Variants in SEL1L3 observed in about 807,000 individuals in gnomAD.
SEL1L3 encodes protein sel-1 homolog 3.
In SEL1L3, 76 loss-of-function variants were observed where a neutral mutation model predicts 142.8. That is an observed-to-expected ratio of 0.53 (90% CI 0.44 to 0.64). The LOEUF (loss-of-function observed/expected upper bound fraction) is 0.64. SEL1L3 is among the 30% of genes least tolerant of loss of function. SEL1L3 has a pLI of 0.00. For missense variants in SEL1L3, 1,262 were observed against 1,381.7 expected (o/e 0.91, Z 1.37); for synonymous variants, 504 against 519.6 (o/e 0.97, Z 0.41).
At chr4:25,853,557 A>G (rs7666901) in intron 1 of SEL1L3, among the ~76,000 whole-genome samples, 15,603 of 152,138 alleles carry the variant, frequency 0.1, 971 homozygotes, top group South Asian at 0.14. Context: ...AGGGCTGCAA[A>G]ATATCTCATT....
At chr4:25,752,752 C>T (rs1379915989) in intron 23 of SEL1L3, among the ~76,000 whole-genome samples, 1 of 152,176 alleles carries the variant, frequency 6.6e-6, no homozygotes, top group Non-Finnish European at 1.5e-5. Context: ...TCCCAAGCAG[C>T]TGGAATTACA....
At chr4:25,848,481 C>T (rs1186777440) in intron 1 of SEL1L3, among the ~76,000 whole-genome samples, 1 of 152,172 alleles carries the variant, frequency 6.6e-6, no homozygotes, top group Non-Finnish European at 1.5e-5. Context: ...GATTCTTTCA[C>T]CACAGACAAT....
At position 25,784,282 on chromosome 4, in the gene SEL1L3, T is replaced by C. The variant is rs751750638; in HGVS notation, c.2226A>G (p.Gly742=). The C allele has an allele frequency of 6.2e-6, 10 of 1,613,318 alleles. No homozygotes were observed. The highest frequency in any genetic ancestry group is 8.5e-6 in the Non-Finnish European group (10 of 1,179,440). ...AGGCAAGCCGTCTGTTCTTTTTTACTCCTTGACCCTAAACATTGATAAACA... is the reference window on the plus strand; with the variant it reads ...AGGCAAGCCGTCTGTTCTTTTTTACCCCTTGACCCTAAACATTGATAAACA... ...DYAIVLFKGQ[G]VKKNRRLALE... The change falls in exon 14 of 24, where the codon GGA becomes GGG. Residue 742 remains glycine (G), a synonymous_variant. Coordinates refer to ENST00000399878, the MANE Select transcript of SEL1L3 (RefSeq NM_015187.5).
chr4:25,767,069 A>G (rs1243550473), intron 19 of SEL1L3, among the ~76,000 whole-genome samples: 6 of 152,218 alleles, frequency 3.9e-5, no homozygotes, highest in Non-Finnish European at 8.8e-5. Context: ...AGGCAGGTGG[A>G]TCACCTGAGG....
chr4:25,793,351 T>G (rs1283314134), intron 11 of SEL1L3, among the ~76,000 whole-genome samples: 1 of 152,176 alleles, frequency 6.6e-6, no homozygotes, highest in Non-Finnish European at 1.5e-5. Context: ...GGCACGATCA[T>G]GGCTCACTGC....
intron 9 of SEL1L3, among the ~76,000 whole-genome samples, chr4:25,807,649 C>A (rs938197398): frequency 2.0e-5 from 3 of 152,064 alleles, no homozygotes; most frequent in Non-Finnish European, 4.4e-5. Context: ...CCAGAGTACC[C>A]GTGGACCCGA....
At chr4:25,821,019 C>T (rs974590833) in intron 7 of SEL1L3, among the ~76,000 whole-genome samples, 13 of 152,184 alleles carry the variant, frequency 8.5e-5, no homozygotes, top group African/African-American at 2.2e-4. Flanking sequence ...TGAGCCACCA[C>T]GCTTGGCTGA....
In SEL1L3 at chr4:25,847,713, CATAA is replaced by C. The variant is rs756158758; in HGVS notation, c.310_313del (p.Leu104AlafsTer41). The C allele has an allele frequency of 1.2e-6, 2 of 1,613,838 alleles. No homozygotes were observed. The highest frequency in any genetic ancestry group is 1.7e-5 in the Admixed American group (1 of 59,998). ...CAAATTGACAACACAAGGCTGAGAGCATAAATACTCAACCGAGACTTCAGAAACG... is the reference window on the plus strand; with the variant it reads ...CAAATTGACAACACAAGGCTGAGAGCATACTCAACCGAGACTTCAGAAACG... On this transcript the variant is annotated frameshift_variant, in exon 2 of 24. Coordinates refer to ENST00000399878, the MANE Select transcript of SEL1L3 (RefSeq NM_015187.5). LOFTEE classifies it high-confidence loss of function.
At chr4:25,720,684 A>T in the SEL1L3 span, 1 of 152,206 alleles carries the variant, frequency 6.6e-6, no homozygotes, top group Non-Finnish European at 1.5e-5. Context: ...AAATCCGCGA[A>T]AGCCTGTGTC....
chr4:25,827,649 G>C (rs1291018566), intron 6 of SEL1L3, among the ~76,000 whole-genome samples: 1 of 152,120 alleles, frequency 6.6e-6, no homozygotes, highest in African/African-American at 2.4e-5. Context: ...TTAAGTTTTA[G>C]GCTCACTTGC....
At chr4:25,756,049 A>ATTAGCT (rs1717935825) in intron 23 of SEL1L3, 1 of 985,308 alleles carries the variant, frequency 1.0e-6, no homozygotes, top group Admixed American at 6.1e-5. Context: ...ATGATTTCGC[A>ATTAGCT]TTAGCTTCTT....
chr4:25,744,632 G>C (rs928476176), downstream of SEL1L3, among the ~76,000 whole-genome samples: 1 of 152,184 alleles, frequency 6.6e-6, no homozygotes, highest in Non-Finnish European at 1.5e-5. Flanking sequence ...GGGATTACTG[G>C]TGTGAGCCAC....
At chr4:25,812,907 G>A (rs775520044) in intron 9 of SEL1L3, among the ~76,000 whole-genome samples, 16 of 152,288 alleles carry the variant, frequency 1.1e-4, no homozygotes, top group Non-Finnish European at 2.1e-4. Flanking sequence ...CAGCTACTCA[G>A]GAGGCTGAGG....
intron 9 of SEL1L3, among the ~76,000 whole-genome samples, chr4:25,815,566 G>C (rs1176983532): frequency 6.6e-6 from 1 of 152,142 alleles, no homozygotes; most frequent in East Asian, 1.9e-4. Context: ...TTCCCAATCA[G>C]CACAACTATT....
chr4:25,784,949 G>A (rs1182637437), intron 13 of SEL1L3, among the ~76,000 whole-genome samples: 1 of 152,240 alleles, frequency 6.6e-6, no homozygotes, highest in African/African-American at 2.4e-5. Flanking sequence ...GAAATGTCTG[G>A]AGGACAACTG....
chr4:25,793,659 C>T (rs980867260), intron 11 of SEL1L3, among the ~76,000 whole-genome samples: 2 of 152,090 alleles, frequency 1.3e-5, no homozygotes, highest in Admixed American at 6.5e-5. Flanking sequence ...TTTAATTCAC[C>T]ACTACTTACC....
At chr4:25,819,738 G>T in intron 8 of SEL1L3, 70 bp downstream of exon 8, 4 of 1,461,824 alleles carry the variant, frequency 2.7e-6, no homozygotes, top group Non-Finnish European at 3.7e-6. Context: ...ATCCTGTTAT[G>T]GAGAAGCCAA....
At position 25,833,504 on chromosome 4, in the gene SEL1L3, T is replaced by A; in HGVS notation, c.926A>T (p.Tyr309Phe). 6.2e-7 allele frequency: 1 copy of A among 1,612,884 alleles called. No homozygotes were observed. The highest frequency in any genetic ancestry group is 8.5e-7 in the Non-Finnish European group (1 of 1,179,020). The change falls in exon 4 of 24, where the codon TAC becomes TTC. Residue 309 changes from tyrosine (Y) to phenylalanine (F), a missense_variant. Around this residue, in one of 3 missense-constraint regions of SEL1L3, gnomAD observed 689 missense variants for 692.8 expected, o/e 0.99. Coordinates refer to ENST00000399878, the MANE Select transcript of SEL1L3 (RefSeq NM_015187.5). ...YCKANLCGIL[Y>F]FVDSNEMYGT... The stretch of plus-strand genomic sequence containing the variant: ...GTACATCTCATTAGAGTCAACAAAG[T>A]ACAGAATCCCACAGAGGTTGGCCTT...
intron 13 of SEL1L3, among the ~76,000 whole-genome samples, chr4:25,784,948 G>A (rs1711685239): frequency 6.6e-6 from 1 of 152,226 alleles, no homozygotes; most frequent in South Asian, 2.1e-4. Flanking sequence ...TGAAATGTCT[G>A]GAGGACAACT....
Sources: gnomAD v4.1 joint callset for allele counts (sites outside exome capture counted in the v4.1 genomes callset) on GRCh38, gnomAD v4.1.1 for gene constraint, gnomAD v4.1.1 regional missense constraint, MANE v1.5 for transcripts, NCBI Gene and HGNC (gene_info 2026-07-23, HGNC 2026-07-21) for gene names.